The following GDAP1 variants were observed in gnomAD, a reference collection of about 807,000 sequenced individuals.
GDAP1 encodes ganglioside induced differentiation associated protein 1, also known as ganglioside-induced differentiation-associated protein 1.
A neutral mutation model predicts 40.1 loss-of-function variants in GDAP1; 34 were observed. The observed-to-expected ratio is 0.85, with a 90% CI of 0.64 to 1.13. GDAP1 has a LOEUF of 1.13. GDAP1 is among the 50% of genes most tolerant of loss of function. The pLI is 0.00. For missense variants in GDAP1, 374 were observed against 433.7 expected, an observed-to-expected ratio of 0.86 and a Z score of 1.22; for synonymous variants, 170 against 157.4, an observed-to-expected ratio of 1.08 and a Z score of -0.60.
At chr8:74,403,204 G>A (rs142929070) in intron 2 of GDAP1, among the ~76,000 whole-genome samples, 2,598 of 149,976 alleles carry the variant, frequency 0.017, 56 homozygotes, top group Non-Finnish European at 0.028. Context: ...ACTACACTGG[G>A]TTTTTAAAAA....
intron 2 of GDAP1, among the ~76,000 whole-genome samples, chr8:74,417,841 T>G (rs1805804620): frequency 6.6e-6 from 1 of 151,010 alleles, no homozygotes; most frequent in Non-Finnish European, 1.5e-5. Flanking sequence ...ACAAGTGAGT[T>G]TATCAAGGTC....
At chr8:74,458,031 G>A (rs776460737) in intron 2 of GDAP1, among the ~76,000 whole-genome samples, 18 of 151,960 alleles carry the variant, frequency 1.2e-4, no homozygotes, top group East Asian at 1.2e-3. Flanking sequence ...ACTGTTCACC[G>A]TCCCTAAATG....
At chr8:74,456,995 G>T (rs944094454) in intron 2 of GDAP1, among the ~76,000 whole-genome samples, 1 of 152,004 alleles carries the variant, frequency 6.6e-6, no homozygotes, top group African/African-American at 2.4e-5. Flanking sequence ...ATTGGAGAAG[G>T]GTGGCCCATG....
Position 74,351,380 on chromosome 8 carries a change from G to T in GDAP1, c.224G>T (p.Gly75Val). ...EPWFMRLNSTGEVPVLIHGEN... is the reference protein window; with the variant it reads ...EPWFMRLNSTVEVPVLIHGEN... The stretch of plus-strand genomic sequence containing the variant: ...TGGTTTATGCGTTTGAACTCAACTG[G>T]AGAAGTGCCTGTCCTTATCCACGGG... The change falls in exon 2 of 6, where the codon GGA becomes GTA. Residue 75 changes from glycine to valine, a missense_variant. By Grantham distance (109) the Gly-to-Val change is moderately radical (BLOSUM62 -3). Coordinates refer to ENST00000220822, the MANE Select transcript of GDAP1 (RefSeq NM_018972.4). 1 of 1,613,868 alleles carries T rather than the reference G, an allele frequency of 6.2e-7. No individual in the cohort carries two copies. Among genetic ancestry groups the T allele is most frequent in the African/African-American group, 1.3e-5 (1 of 75,042 alleles).
chr8:74,487,278 G>A (rs574442205), intron 2 of GDAP1, among the ~76,000 whole-genome samples: 16 of 152,172 alleles, frequency 1.1e-4, no homozygotes, highest in Non-Finnish European at 1.9e-4. Flanking sequence ...CATACCTTAA[G>A]GAAGATGAAT....
intron 2 of GDAP1, among the ~76,000 whole-genome samples, chr8:74,424,320 T>G (rs1174856006): frequency 2.6e-5 from 4 of 152,136 alleles, no homozygotes; most frequent in Non-Finnish European, 5.9e-5. Flanking sequence ...AATCCACGGA[T>G]GTAGAACCCA....
chr8:74,385,606 C>G (rs540521440), intron 2 of GDAP1, among the ~76,000 whole-genome samples: 80 of 152,112 alleles, frequency 5.3e-4, no homozygotes, highest in Non-Finnish European at 9.6e-4. Flanking sequence ...GGTTCCAAGT[C>G]TTTGCTATTG....
intron 2 of GDAP1, among the ~76,000 whole-genome samples, chr8:74,375,860 T>C (rs1809843874): frequency 6.6e-6 from 1 of 152,226 alleles, no homozygotes; most frequent in Non-Finnish European, 1.5e-5. Context: ...TTGTAATTGA[T>C]ATGATTTTTC....
intron 2 of GDAP1, among the ~76,000 whole-genome samples, chr8:74,474,571 T>C (rs936330032): frequency 2.0e-5 from 3 of 152,194 alleles, no homozygotes; most frequent in Admixed American, 6.5e-5. Context: ...TTGTTGTTAG[T>C]TCTGTTTATA....
chr8:74,427,448 T>C (rs1805961648), intron 2 of GDAP1, among the ~76,000 whole-genome samples: 1 of 152,198 alleles, frequency 6.6e-6, no homozygotes, highest in South Asian at 2.1e-4. Context: ...TAAAAGCTTA[T>C]GACACATGAC....
intron 2 of GDAP1, among the ~76,000 whole-genome samples, chr8:74,413,717 C>CTTT (rs79420778): frequency 1.5e-5 from 2 of 131,762 alleles, no homozygotes; most frequent in African/African-American, 3.0e-5. Context: ...AACTCCTAAG[C>CTTT]TTTTTTTTTT....
chr8:74,480,799 C>G lies in GDAP1; in HGVS notation c.166-7879C>G, dbSNP rs148235608. ...TCTTATTAAACCTATTCCAATTCTT[C>G]ACTTTGGAATAGAAGATTTGGGCAA... On this transcript the variant is annotated intron_variant, in intron 2 of 2. Transcript: ENST00000523640. Among the ~76,000 whole-genome samples, 382 of 152,274 alleles carry G rather than the reference C, an allele frequency of 2.5e-3. 1 individual carries two copies. Among genetic ancestry groups the G allele is most frequent in the African/African-American group, 8.2e-3 (339 of 41,554 alleles).
chr8:74,428,382 A>G (rs1244254601), intron 2 of GDAP1, among the ~76,000 whole-genome samples: 1 of 152,138 alleles, frequency 6.6e-6, no homozygotes, highest in Non-Finnish European at 1.5e-5. Flanking sequence ...ATCACAGGAG[A>G]ACCAGAGTAA....
intron 2 of GDAP1, among the ~76,000 whole-genome samples, chr8:74,374,825 C>T (rs1382452260): frequency 6.6e-6 from 1 of 151,900 alleles, no homozygotes; most frequent in Non-Finnish European, 1.5e-5. Flanking sequence ...GCCATATATC[C>T]ACTAAACAAA....
intron 2 of GDAP1, among the ~76,000 whole-genome samples, chr8:74,385,290 G>A (rs1253545589): frequency 6.6e-6 from 1 of 151,980 alleles, no homozygotes; most frequent in African/African-American, 2.4e-5. Flanking sequence ...AACCCATCAT[G>A]TACATTAGGT....
At position 74,364,152 on chromosome 8, in the gene GDAP1, A is replaced by G. The variant is rs2131521921; in HGVS notation, c.862A>G (p.Thr288Ala). Residue 288 changes from threonine to alanine, a missense_variant, in exon 6 of 6, where the codon ACA becomes GCA. By Grantham distance (58) the Thr-to-Ala change is moderately conservative. Coordinates refer to ENST00000220822, the MANE Select transcript of GDAP1 (RefSeq NM_018972.4). ...TYYERVLKRK[T>A]FNKVLGHVNN... ...TTACGAGCGTGTCTTGAAGAGAAAA[A>G]CATTTAACAAGGTTTTAGGACATGT... 1 of 1,614,106 alleles carries G rather than the reference A, an allele frequency of 6.2e-7. No homozygotes were observed. Among genetic ancestry groups the G allele is most frequent in the South Asian group, 1.1e-5 (1 of 91,076 alleles).
chr8:74,474,338 G>T (rs1228607904), intron 2 of GDAP1, among the ~76,000 whole-genome samples: 1 of 152,106 alleles, frequency 6.6e-6, no homozygotes, highest in Non-Finnish European at 1.5e-5. Context: ...TGTTGAATAG[G>T]AGTGGTGAGA....
chr8:74,367,109 A>AAAC (rs1809671810), downstream of GDAP1: 1 of 193,414 alleles, frequency 5.2e-6, no homozygotes, highest in South Asian at 9.1e-5. Flanking sequence ...AAAAAAAAAA[A>AAAC]AAAAGAATAA....
chr8:74,487,374 T>C (rs965326073), intron 2 of GDAP1, among the ~76,000 whole-genome samples: 1 of 152,186 alleles, frequency 6.6e-6, no homozygotes, highest in Non-Finnish European at 1.5e-5. Context: ...CTTCTTTCCA[T>C]CCTGGCTTCC....
Sources: gnomAD v4.1 joint callset for allele counts (sites outside exome capture counted in the v4.1 genomes callset) on GRCh38, gnomAD v4.1.1 for gene constraint, MANE v1.5 for transcripts, NCBI Gene and HGNC (gene_info 2026-07-23, HGNC 2026-07-21) for gene names.